CCDC146: variants seen among roughly 807,000 people sequenced by gnomAD.
CCDC146 encodes coiled-coil domain containing 146, also known as coiled-coil domain-containing protein 146.
In CCDC146, 92 loss-of-function variants were observed where a neutral mutation model predicts 119.3. The observed-to-expected ratio is 0.77, with a 90% CI of 0.65 to 0.92. CCDC146 has a LOEUF of 0.92. Ranked by LOEUF, CCDC146 falls within the 40% of genes least tolerant of loss-of-function variation. The pLI is 0.00. For missense variants in CCDC146, 1,000 were observed against 1,103.0 expected (o/e 0.91, Z 1.32); for synonymous variants, 372 against 371.8 (o/e 1.00, Z -0.01).
chr7:77,291,248 C>T (rs963267994), intron 17 of CCDC146, among the ~76,000 whole-genome samples: 59 of 152,276 alleles, frequency 3.9e-4, no homozygotes, highest in African/African-American at 1.3e-3. Flanking sequence ...CACTGAACTG[C>T]TCCACTATGG....
At chr7:77,239,928 G>A (rs1792812384) in intron 3 of CCDC146, among the ~76,000 whole-genome samples, 1 of 152,202 alleles carries the variant, frequency 6.6e-6, no homozygotes, top group Admixed American at 6.5e-5. Context: ...CCTCTACCGT[G>A]ACCTTCAAGT....
Position 77,196,695 on chromosome 7 carries a change from T to G in CCDC146, c.156+28871T>G. 1 of 1,614,248 alleles carries G rather than the reference T, an allele frequency of 6.2e-7. No homozygotes were observed. The highest frequency in any genetic ancestry group is 1.1e-5 in the South Asian group (1 of 91,092). On this transcript the variant is annotated intron_variant, in intron 2 of 18. Coordinates refer to ENST00000285871, the MANE Select transcript of CCDC146 (RefSeq NM_020879.3). This position sits in a 1 kb window ranked among gnomAD's most constrained non-coding sequence, Gnocchi z 4.2. The stretch of plus-strand genomic sequence containing the variant: ...ACACCATTAAAGTCTTCAAGATCTA[T>G]TCTCAGAATCATTTCCTTACTCTTG...
chr7:77,205,820 G>T (rs1792071236), intron 2 of CCDC146, among the ~76,000 whole-genome samples: 1 of 151,954 alleles, frequency 6.6e-6, no homozygotes, highest in Non-Finnish European at 1.5e-5. Flanking sequence ...CTATGCTCAG[G>T]GGCCATTTTA....
intron 2 of CCDC146, among the ~76,000 whole-genome samples, chr7:77,178,369 A>G (rs531230811): frequency 2.3e-4 from 35 of 152,308 alleles, no homozygotes; most frequent in African/African-American, 7.7e-4. Flanking sequence ...CCTCACATAC[A>G]ATCTGTGAGA....
chr7:77,193,160 A>C (rs1002363678), intron 2 of CCDC146, among the ~76,000 whole-genome samples: 1 of 152,192 alleles, frequency 6.6e-6, no homozygotes, highest in African/African-American at 2.4e-5. Context: ...AAAAGAGGAG[A>C]GGAAGTTGAA....
At chr7:77,275,871 C>A (rs182503977) in intron 11 of CCDC146, among the ~76,000 whole-genome samples, 15 of 152,192 alleles carry the variant, frequency 9.9e-5, no homozygotes, top group Non-Finnish European at 1.3e-4. Flanking sequence ...CCCAGAAGCT[C>A]CCTGTTAAAA....
intron 2 of CCDC146, among the ~76,000 whole-genome samples, chr7:77,200,622 AG>A (rs1391399341): frequency 6.6e-6 from 1 of 152,194 alleles, no homozygotes; most frequent in Admixed American, 6.5e-5. Context: ...TCTTGCCTAC[AG>A]CATCTTTGCC....
chr7:77,288,079 A>G (rs2150554722), intron 17 of CCDC146, among the ~76,000 whole-genome samples: 1 of 152,148 alleles, frequency 6.6e-6, no homozygotes, highest in East Asian at 1.9e-4. Context: ...GGAATACAGA[A>G]CCCCCTAATT....
intron 2 of CCDC146, among the ~76,000 whole-genome samples, chr7:77,177,549 A>G (rs568752507): frequency 6.6e-6 from 1 of 152,334 alleles, no homozygotes; most frequent in African/African-American, 2.4e-5. Flanking sequence ...GACATTGTTC[A>G]CTTGACATTC....
At chr7:77,257,213 G>C (rs988358725) in intron 6 of CCDC146, 1 of 151,948 alleles carries the variant, frequency 6.6e-6, no homozygotes, top group African/African-American at 2.4e-5. Flanking sequence ...TATCCTTGTC[G>C]GAGTGCATTC....
At chr7:77,282,436 G>T in intron 14 of CCDC146, 121 bp from the exon 15 acceptor site, 2 of 651,768 alleles carry the variant, frequency 3.1e-6, no homozygotes, top group Non-Finnish European at 5.4e-6. Context: ...GACTATCTGT[G>T]ATCCTCTGGA....
chr7:77,146,841 C>T (rs1192227756), intron 1 of CCDC146, among the ~76,000 whole-genome samples: 1 of 152,178 alleles, frequency 6.6e-6, no homozygotes, highest in Non-Finnish European at 1.5e-5. Flanking sequence ...CTGCCCTTAA[C>T]ATTTTTTCCT....
At chr7:77,240,606 TG>T (rs1365878401) in intron 3 of CCDC146, among the ~76,000 whole-genome samples, 18 of 152,232 alleles carry the variant, frequency 1.2e-4, no homozygotes, top group African/African-American at 3.9e-4. Flanking sequence ...TAGGCAATCA[TG>T]ACAAGAAAAG....
chr7:77,230,130 A>T (rs1241617155), intron 2 of CCDC146, among the ~76,000 whole-genome samples: 1 of 152,142 alleles, frequency 6.6e-6, no homozygotes, highest in East Asian at 1.9e-4. Flanking sequence ...TCAAGACTCC[A>T]TTCCTTTTTA....
intron 4 of CCDC146, among the ~76,000 whole-genome samples, chr7:77,247,651 A>G (rs3108414): frequency 0.56 from 85,305 of 151,822 alleles, 26,429 homozygotes; most frequent in Non-Finnish European, 0.7. Flanking sequence ...ACATAAATAG[A>G]CATTTTTCAA....
intron 2 of CCDC146, among the ~76,000 whole-genome samples, chr7:77,180,362 T>C (rs1217548008): frequency 6.6e-6 from 1 of 152,158 alleles, no homozygotes; most frequent in Non-Finnish European, 1.5e-5. Context: ...TTGGCTGTTG[T>C]GAATAATCTG....
intron 5 of CCDC146, 48 bp downstream of exon 5, chr7:77,254,611 C>T: frequency 9.8e-7 from 1 of 1,021,802 alleles, no homozygotes; most frequent in Non-Finnish European, 1.5e-6. Context: ...TGGATTCAAT[C>T]ATCCCTTTTT....
intron 18 of CCDC146, among the ~76,000 whole-genome samples, chr7:77,293,798 G>A (rs912414038): frequency 3.3e-4 from 50 of 152,126 alleles, no homozygotes; most frequent in African/African-American, 1.1e-3. Context: ...ACTGGAATTA[G>A]GCATCTCTTT....
intron 15 of CCDC146, among the ~76,000 whole-genome samples, chr7:77,283,495 T>C (rs1489796968): frequency 6.6e-6 from 1 of 152,162 alleles, no homozygotes; most frequent in Non-Finnish European, 1.5e-5. Flanking sequence ...TTCTAACCTA[T>C]AATATTTTTT....
Sources: allele counts gnomAD v4.1 joint callset (sites outside exome capture counted in the v4.1 genomes callset), GRCh38; gene constraint gnomAD v4.1.1; non-coding constraint Gnocchi (gnomAD v3.1); transcripts MANE v1.5; gene names NCBI Gene and HGNC (gene_info 2026-07-23, HGNC 2026-07-21).